CFAP58: variants seen among roughly 807,000 people sequenced by gnomAD.
CFAP58 encodes cilia and flagella associated protein 58.
In CFAP58, 88 loss-of-function variants were observed where a neutral mutation model predicts 119.5. The observed-to-expected ratio is 0.74, with a 90% CI of 0.62 to 0.88. CFAP58 has a LOEUF of 0.88. Ranked by LOEUF, CFAP58 falls within the 40% of genes least tolerant of loss-of-function variation. CFAP58 has a pLI of 0.00. For missense variants in CFAP58, 990 were observed against 1,021.2 expected (o/e 0.97, Z 0.42); for synonymous variants, 365 against 366.3 (o/e 1.00, Z 0.04).
rs1394730569 is a variant in CFAP58 at position 104,442,281 on chromosome 10, GGAATGTAGTTTAA to G, written c.2257-5412_2257-5400del. ...AAAAGTCAACACATTATTTAGTTGA[GGAATGTAGTTTAA>G]GAATTATGCTTACGGCTGGGTGCAG... On this transcript the variant is annotated intron_variant, in intron 15 of 17. Coordinates refer to ENST00000369704, the MANE Select transcript of CFAP58 (RefSeq NM_001008723.2). 3.9e-5 allele frequency among the ~76,000 whole-genome samples: 6 copies of G among 152,182 alleles called. No individual in the cohort carries two copies. The East Asian group carries it at 9.7e-4, about 24-fold the overall frequency.
At chr10:104,449,975 C>T (rs1426979087) in intron 16 of CFAP58, 96 bp from the exon 17 acceptor site, 6 of 1,253,468 alleles carry the variant, frequency 4.8e-6, no homozygotes, top group Non-Finnish European at 6.7e-6. Context: ...TTGTTTTGCA[C>T]CTCTAGCTCC....
the CFAP58 span, among the ~76,000 whole-genome samples, chr10:104,345,638 C>T: frequency 1.3e-5 from 2 of 152,084 alleles, no homozygotes; most frequent in East Asian, 1.9e-4. Context: ...GAAGTGAACA[C>T]ACAATGATAA....
At position 104,433,441 on chromosome 10, in the gene CFAP58, A is replaced by G. The variant is rs144428157; in HGVS notation, c.2257-14257A>G. Among the ~76,000 whole-genome samples the G allele has an allele frequency of 2.2e-3, 331 of 152,312 alleles. 1 individual carries two copies. Among genetic ancestry groups the G allele is most frequent in the African/African-American group, 7.8e-3 (323 of 41,584 alleles). ...ACTTTGATCGTCAGGGTCTTGAAGG[A>G]TGGGAATTTGTTTGCCAAGGGGTGG... On this transcript the variant is annotated intron_variant, in intron 15 of 17. Coordinates refer to ENST00000369704, the MANE Select transcript of CFAP58 (RefSeq NM_001008723.2).
chr10:104,353,804 C>G, upstream of CFAP58: 1 of 1,479,682 alleles, frequency 6.8e-7, no homozygotes, highest in South Asian at 1.2e-5. Context: ...GCGATAGAGA[C>G]AGCGCGTCGC....
Position 104,358,432 on chromosome 10 carries a change from A to G in CFAP58, c.101A>G (p.Lys34Arg), listed in dbSNP as rs1261519700. Residue 34 changes from lysine to arginine, a missense_variant, in exon 2 of 18, where the codon AAA (lysine) becomes AGA (arginine). Physicochemically the swap from Lys to Arg is conservative, Grantham distance 26. Coordinates refer to ENST00000369704, the MANE Select transcript of CFAP58 (RefSeq NM_001008723.2). ...GTTCTCCATGAACTTTCTGGAGACAAAAGTTTGGAAAAATTTCGGATTGAA... is the reference window on the plus strand; with the variant it reads ...GTTCTCCATGAACTTTCTGGAGACAGAAGTTTGGAAAAATTTCGGATTGAA... Reference protein sequence around the residue: ...QGVLHELSGDKSLEKFRIEYE... With the variant: ...QGVLHELSGDRSLEKFRIEYE... The G allele has an allele frequency of 1.9e-6, 3 of 1,613,988 alleles. No homozygotes were observed. The highest frequency in any genetic ancestry group is 1.7e-5 in the Admixed American group (1 of 59,996).
intron 9 of CFAP58, among the ~76,000 whole-genome samples, chr10:104,380,501 G>A (rs906174202): frequency 2.6e-5 from 4 of 151,990 alleles, no homozygotes; most frequent in African/African-American, 9.7e-5. Flanking sequence ...GCCATGCTGT[G>A]CAGCATCCCT....
Position 104,383,437 on chromosome 10 carries a change from A to G in CFAP58, c.1365+3217A>G, listed in dbSNP as rs528867175. On this transcript the variant is annotated intron_variant, in intron 9 of 17. Coordinates refer to ENST00000369704, the MANE Select transcript of CFAP58 (RefSeq NM_001008723.2). ...AACAAATGGATAGATGATAAGTGGT[A>G]AAAAGAATGCTGCCACTGATTTTAA... Among the ~76,000 whole-genome samples, 4 of 152,302 alleles carry G rather than the reference A, an allele frequency of 2.6e-5. No homozygotes were observed. In the East Asian group the frequency reaches 7.7e-4, roughly 29 times the overall value.
chr10:104,366,480 T>A (rs2014752651), intron 5 of CFAP58, among the ~76,000 whole-genome samples: 1 of 152,220 alleles, frequency 6.6e-6, no homozygotes, highest in South Asian at 2.1e-4. Context: ...TTTACAGAAA[T>A]AAAATATTAC....
At position 104,365,847 on chromosome 10, in the gene CFAP58, G is replaced by A. The variant is rs759553231; in HGVS notation, c.631G>A (p.Ala211Thr). The change falls in exon 5 of 18, where the codon GCT (alanine) becomes ACT (threonine). Residue 211 changes from alanine to threonine, a missense_variant. Physicochemically the swap from Ala to Thr is moderately conservative, Grantham distance 58 (BLOSUM62 0). Transcript: ENST00000369704. ...QQEIQQRQNE[A>T]SREFRKKEKL... ...AGAAATCCAGCAACGTCAGAACGAA[G>A]CTTCCCGGGAGTTCCGGAAGAAGGA... 1.9e-6 allele frequency: 3 copies of A among 1,612,666 alleles called. No homozygotes were observed. Among genetic ancestry groups the A allele is most frequent in the South Asian group, 1.1e-5 (1 of 90,932 alleles).
intron 8 of CFAP58, among the ~76,000 whole-genome samples, chr10:104,379,333 G>A (rs1476529797): frequency 2.6e-5 from 4 of 152,178 alleles, no homozygotes; most frequent in South Asian, 2.1e-4. Context: ...GTTGTAGCAC[G>A]CATCAGTACT....
intron 8 of CFAP58, among the ~76,000 whole-genome samples, chr10:104,378,308 G>A (rs1033676865): frequency 1.3e-5 from 2 of 152,134 alleles, no homozygotes; most frequent in African/African-American, 4.8e-5. Flanking sequence ...AGTGTCATGT[G>A]GAAGTGGCTT....
chr10:104,396,537 CAG>C (rs2012165880), intron 11 of CFAP58, among the ~76,000 whole-genome samples: 1 of 152,116 alleles, frequency 6.6e-6, no homozygotes, highest in South Asian at 2.1e-4. Flanking sequence ...TAGATTTAAA[CAG>C]ATGATTTCTA....
intron 11 of CFAP58, 63 bp from the exon 12 acceptor site, chr10:104,399,297 C>T (rs1462497957): frequency 2.6e-6 from 4 of 1,565,960 alleles, no homozygotes; most frequent in Non-Finnish European, 1.7e-6. Context: ...GAATCCGGGC[C>T]CTGTCGTCCT....
At chr10:104,357,622 A>G (rs76492410) in intron 1 of CFAP58, among the ~76,000 whole-genome samples, 1,768 of 152,268 alleles carry the variant, frequency 0.012, 44 homozygotes, top group African/African-American at 0.041. Context: ...ATTTGGCTAA[A>G]TGTTTAACAT....
At position 104,395,098 on chromosome 10, in the gene CFAP58, C is replaced by T. The variant is rs527378130; in HGVS notation, c.1674+1623C>T. Among the ~76,000 whole-genome samples, 4 of 152,298 alleles carry T rather than the reference C, an allele frequency of 2.6e-5. No homozygotes were observed. The South Asian group carries it at 6.2e-4, about 24-fold the overall frequency. ...ATGGGGTCCAAGTTGGAACTAATGT[C>T]GTTCTACAAAATCCTGCTTTAGAAC... On this transcript the variant is annotated intron_variant, in intron 11 of 17. Coordinates refer to ENST00000369704, the MANE Select transcript of CFAP58 (RefSeq NM_001008723.2).
chr10:104,366,845 T>C (rs1329160205), intron 5 of CFAP58, among the ~76,000 whole-genome samples: 1 of 151,986 alleles, frequency 6.6e-6, no homozygotes, highest in Non-Finnish European at 1.5e-5. Context: ...TTTAACAGTT[T>C]TATTTTTATT....
chr10:104,369,516 A>T (rs1485828819), intron 6 of CFAP58, among the ~76,000 whole-genome samples: 1 of 152,210 alleles, frequency 6.6e-6, no homozygotes, highest in Non-Finnish European at 1.5e-5. Context: ...AAAAACTTTT[A>T]AAACAGCCCA....
chr10:104,369,085 G>A (rs2014789920), intron 6 of CFAP58, among the ~76,000 whole-genome samples: 1 of 152,062 alleles, frequency 6.6e-6, no homozygotes, highest in South Asian at 2.1e-4. Flanking sequence ...AATTTAGATA[G>A]TTTAGATAAC....
At chr10:104,360,100 C>T (rs955816281) in intron 2 of CFAP58, among the ~76,000 whole-genome samples, 1 of 152,188 alleles carries the variant, frequency 6.6e-6, no homozygotes, top group Non-Finnish European at 1.5e-5. Context: ...ATACTCTCTT[C>T]CACCCATTTT....
Sources: gnomAD v4.1 joint callset for allele counts (sites outside exome capture counted in the v4.1 genomes callset) on GRCh38, gnomAD v4.1.1 for gene constraint, MANE v1.5 for transcripts, NCBI Gene and HGNC (gene_info 2026-07-23, HGNC 2026-07-21) for gene names.